The following IL1RL1 variants were observed in gnomAD, a reference collection of about 807,000 sequenced individuals.
IL1RL1 encodes interleukin-1 receptor-like 1.
In IL1RL1, 32 loss-of-function variants were observed where a neutral mutation model predicts 50.9. The ratio of observed to expected loss-of-function variants is 0.63; its 90% CI spans 0.47 to 0.84. IL1RL1 has a LOEUF of 0.84. IL1RL1 is among the 40% of genes least tolerant of loss of function. The probability of loss-of-function intolerance (pLI) is 0.00; values close to 1 mark genes in which losing one functional copy is unlikely to be tolerated. For missense variants in IL1RL1, 773 were observed against 662.9 expected (o/e 1.17, Z -1.82); for synonymous variants, 275 against 236.0 (o/e 1.17, Z -1.51).
At chr2:102,342,916 A>T in intron 6 of IL1RL1, 120 bp from the exon 7 acceptor site, 1 of 861,466 alleles carries the variant, frequency 1.2e-6, no homozygotes. Context: ...GAGATGAGGG[A>T]GGGAGGTCCT....
At chr2:102,324,643 A>C (rs1676938556) in intron 1 of IL1RL1, among the ~76,000 whole-genome samples, 1 of 152,116 alleles carries the variant, frequency 6.6e-6, no homozygotes. Flanking sequence ...AAATCGGGTC[A>C]CTCCCACCCT....
At chr2:102,344,050 T>C in intron 8 of IL1RL1, 1 of 329,724 alleles carries the variant, frequency 3.0e-6, no homozygotes, top group Non-Finnish European at 4.3e-6. Context: ...ATGGGAAGCA[T>C]GGCGGCATCT....
intron 1 of IL1RL1, among the ~76,000 whole-genome samples, chr2:102,328,025 T>C (rs551676534): frequency 6.6e-6 from 1 of 152,290 alleles, no homozygotes; most frequent in East Asian, 1.9e-4. Flanking sequence ...ATCATCCTGA[T>C]ACCAAAGCCT....
intron 1 of IL1RL1, chr2:102,313,177 G>A (rs972372001): frequency 3.3e-5 from 5 of 152,136 alleles, no homozygotes; most frequent in African/African-American, 1.2e-4. Context: ...ACAAAGAGGT[G>A]ACCAGCATAT....
intron 1 of IL1RL1, among the ~76,000 whole-genome samples, chr2:102,329,738 T>A (rs1449566944): frequency 6.6e-6 from 1 of 151,950 alleles, no homozygotes; most frequent in Non-Finnish European, 1.5e-5. Context: ...ACGTGAAAAA[T>A]TGCTCATCAT....
At chr2:102,312,001 A>AC (rs1676518796) in intron 1 of IL1RL1, among the ~76,000 whole-genome samples, 1 of 23,952 alleles carries the variant, frequency 4.2e-5, no homozygotes, top group Non-Finnish European at 6.8e-5. Context: ...TATATAATAT[A>AC]TTTATATATA....
intron 9 of IL1RL1, among the ~76,000 whole-genome samples, chr2:102,348,479 C>G (rs145077650): frequency 1.6e-4 from 25 of 152,254 alleles, no homozygotes; most frequent in African/African-American, 5.8e-4. Context: ...AAAGGTCCAT[C>G]GGAATGCATG....
chr2:102,341,476 T>C (rs747097902), intron 5 of IL1RL1: 51 of 379,488 alleles, frequency 1.3e-4, no homozygotes, highest in Non-Finnish European at 1.8e-4. Flanking sequence ...GGGGTCTCCT[T>C]AGCACAAGTC....
In IL1RL1 at chr2:102,338,257, TA is replaced by T; in HGVS notation, c.-5del. On this transcript the variant is annotated 5_prime_UTR_variant, in exon 2 of 11. Coordinates refer to ENST00000233954, the MANE Select transcript of IL1RL1 (RefSeq NM_016232.5). ...GTTACCAATACTTGCTCTTGATTGA[TA>T]AACAGAATGGGGTTTTGGATCTTAG... is the stretch of plus-strand genomic sequence containing the variant. The T allele has an allele frequency of 6.2e-7, 1 of 1,600,016 alleles. No individual in the cohort carries two copies. The highest frequency in any genetic ancestry group is 8.6e-7 in the Non-Finnish European group (1 of 1,169,136).
intron 1 of IL1RL1, among the ~76,000 whole-genome samples, chr2:102,315,961 G>C (rs1676661460): frequency 6.6e-6 from 1 of 152,106 alleles, no homozygotes; most frequent in Admixed American, 6.5e-5. Context: ...GATCCTTTAG[G>C]TTTTTCCATT....
chr2:102,311,932 T>A (rs1219074916), intron 1 of IL1RL1, among the ~76,000 whole-genome samples: 77 of 35,314 alleles, frequency 2.2e-3, no homozygotes, highest in East Asian at 6.0e-3. Context: ...ATAATATATA[T>A]TATATATAAT....
chr2:102,318,591 G>C (rs1353775312), intron 1 of IL1RL1, among the ~76,000 whole-genome samples: 1 of 152,180 alleles, frequency 6.6e-6, no homozygotes, highest in African/African-American at 2.4e-5. Context: ...AGGTGTAACT[G>C]CAAGAGTGTA....
intron 1 of IL1RL1, among the ~76,000 whole-genome samples, chr2:102,332,226 T>A (rs1230510029): frequency 1.3e-5 from 2 of 152,144 alleles, no homozygotes. Context: ...ATAAACATGA[T>A]GCATAAGTAG....
chr2:102,330,760 A>G (rs1239123857), intron 1 of IL1RL1, among the ~76,000 whole-genome samples: 1 of 152,210 alleles, frequency 6.6e-6, no homozygotes, highest in Non-Finnish European at 1.5e-5. Flanking sequence ...TAGTCTATTC[A>G]AATTCTAATG....
At chr2:102,313,378 A>G in intron 1 of IL1RL1, 1 of 152,080 alleles carries the variant, frequency 6.6e-6, no homozygotes, top group South Asian at 2.1e-4. Context: ...GCTGACTTGA[A>G]TGTTACGGGA....
At chr2:102,314,275 C>T (rs1388772278) in intron 1 of IL1RL1, among the ~76,000 whole-genome samples, 1 of 152,190 alleles carries the variant, frequency 6.6e-6, no homozygotes, top group Non-Finnish European at 1.5e-5. Flanking sequence ...AAACCAAGTC[C>T]TTGCTGACTC....
chr2:102,330,673 A>G (rs1249871904), intron 1 of IL1RL1, among the ~76,000 whole-genome samples: 1 of 152,182 alleles, frequency 6.6e-6, no homozygotes, highest in Non-Finnish European at 1.5e-5. Context: ...ATGAACTTGT[A>G]AGAGTTATTT....
chr2:102,312,607 G>C (rs1676550892), intron 1 of IL1RL1, among the ~76,000 whole-genome samples: 2 of 152,052 alleles, frequency 1.3e-5, no homozygotes, highest in African/African-American at 4.8e-5. Context: ...GGCCAAAAGG[G>C]GTGAGGAAGC....
chr2:102,340,263 G>C lies in IL1RL1; in HGVS notation c.438G>C (p.Glu146Asp), dbSNP rs768423407. 2 of 1,583,710 alleles carry C rather than the reference G, an allele frequency of 1.3e-6. No homozygotes were observed. Among genetic ancestry groups the C allele is most frequent in the Non-Finnish European group, 8.5e-7 (1 of 1,172,874 alleles). The change falls in exon 4 of 11, where the codon GAG becomes GAC. Residue 146 changes from glutamate to aspartate, a missense_variant. Physicochemically the swap from Glu to Asp is conservative, Grantham distance 45. Transcript: ENST00000233954. ...TCTACAACTGGACAGCACCTCTTGA[G>C]TGGTTTAAGGTAAGAAGAAATTTGG... ...IDLYNWTAPLEWFKNCQALQG... is the reference protein window; with the variant it reads ...IDLYNWTAPLDWFKNCQALQG...
Sources: allele counts gnomAD v4.1 joint callset (sites outside exome capture counted in the v4.1 genomes callset), GRCh38; gene constraint gnomAD v4.1.1; transcripts MANE v1.5; gene names NCBI Gene and HGNC (gene_info 2026-07-23, HGNC 2026-07-21).